ISLR2: variants seen among roughly 807,000 people sequenced by gnomAD.
ISLR2 encodes the protein immunoglobulin superfamily containing leucine-rich repeat protein 2.
ISLR2 carries 16 observed loss-of-function variants against 25.5 expected under a neutral mutation model. The ratio of observed to expected loss-of-function variants is 0.63; its 90% CI spans 0.43 to 0.95. ISLR2 has a LOEUF of 0.95. Ranked by LOEUF, ISLR2 falls within the 40% of genes least tolerant of loss-of-function variation. The probability of loss-of-function intolerance (pLI) is 0.00; values close to 1 mark genes in which losing one functional copy is unlikely to be tolerated. For synonymous variants in ISLR2, 508 were observed against 486.6 expected (o/e 1.04, Z -0.58); for missense variants, 883 against 1,030.7 (o/e 0.86, Z 1.96).
intron 2 of ISLR2, among the ~76,000 whole-genome samples, chr15:74,119,656 TA>T (rs1363971457): frequency 6.6e-6 from 1 of 152,222 alleles, no homozygotes; most frequent in Non-Finnish European, 1.5e-5. Context: ...ATTAAAATGT[TA>T]ATTAACTTGA....
intron 2 of ISLR2, among the ~76,000 whole-genome samples, chr15:74,105,404 A>AGGAG (rs1275876651): frequency 4.2e-5 from 1 of 24,038 alleles, no homozygotes. Flanking sequence ...GGTGGACAGG[A>AGGAG]GGAGCTGAGG....
rs774073328 is a variant in ISLR2 at position 74,134,184 on chromosome 15, C to T, written c.1430C>T (p.Ala477Val). The T allele has an allele frequency of 6.0e-5, 96 of 1,611,884 alleles. No homozygotes were observed. Among genetic ancestry groups the T allele is most frequent in the Non-Finnish European group, 7.0e-5 (83 of 1,179,266 alleles). The change falls in exon 3 of 3, where the codon GCA (alanine) becomes GTA (valine). Residue 477 changes from alanine to valine, a missense_variant. Physicochemically the swap from Ala to Val is moderately conservative, Grantham distance 64 (BLOSUM62 0). Coordinates refer to ENST00000453268, the MANE Select transcript of ISLR2 (RefSeq NM_020851.3). ...YVSNHAFNQS[A>V]ELKPHVFELG... ...TCTAACCACGCGTTCAACCAGAGCG[C>T]AGAGCTCAAGCCGCACGTCTTCGAG... is the stretch of plus-strand genomic sequence containing the variant.
intron 2 of ISLR2, among the ~76,000 whole-genome samples, chr15:74,111,358 C>T (rs1287248603): frequency 1.3e-5 from 2 of 151,904 alleles, no homozygotes; most frequent in African/African-American, 4.8e-5. Context: ...GGCATGATCT[C>T]GGCTCACTGC....
chr15:74,123,467 T>G (rs1257922849), upstream of ISLR2, among the ~76,000 whole-genome samples: 1 of 152,156 alleles, frequency 6.6e-6, no homozygotes, highest in Admixed American at 6.5e-5. Flanking sequence ...CCCCTACCAT[T>G]GCATGGGTGG....
chr15:74,139,604 T>A (rs1259227583), downstream of ISLR2, among the ~76,000 whole-genome samples: 1 of 152,162 alleles, frequency 6.6e-6, no homozygotes, highest in East Asian at 1.9e-4. Flanking sequence ...TGTTTAGCAG[T>A]TTAAAATGTG....
Position 74,132,692 on chromosome 15 carries a change from A to C in ISLR2, c.-8-55A>C. Reference sequence around the variant, plus strand: ...GGAGGCACAGCTTGATAGGGGAGGTAAGCTGGGGTTCAGTGAGTCACCTTC... The same window carrying C: ...GGAGGCACAGCTTGATAGGGGAGGTCAGCTGGGGTTCAGTGAGTCACCTTC... On this transcript the variant is annotated intron_variant, in intron 2 of 2. Coordinates refer to ENST00000453268, the MANE Select transcript of ISLR2 (RefSeq NM_020851.3). The surrounding 1 kb of genome is among the most constrained non-coding windows in gnomAD (Gnocchi z 4.3). 1.3e-6 allele frequency: 2 copies of C among 1,556,972 alleles called. No homozygotes were observed. Among genetic ancestry groups the C allele is most frequent in the Non-Finnish European group, 8.7e-7 (1 of 1,150,220 alleles).
At chr15:74,102,076 T>G (rs1252330909) in intron 1 of ISLR2, among the ~76,000 whole-genome samples, 6 of 150,292 alleles carry the variant, frequency 4.0e-5, no homozygotes, top group Admixed American at 1.3e-4. Flanking sequence ...ACAAATTAGC[T>G]GGGCATGGTG....
At chr15:74,119,597 C>T (rs554958639) in intron 2 of ISLR2, among the ~76,000 whole-genome samples, 32 of 152,180 alleles carry the variant, frequency 2.1e-4, no homozygotes, top group African/African-American at 6.7e-4. Flanking sequence ...GCAAATAGAT[C>T]TTAAATGTTC....
At chr15:74,128,105 G>A, upstream of ISLR2, 1 of 252,612 alleles carries the variant, frequency 4.0e-6, no homozygotes, top group South Asian at 3.9e-5. Flanking sequence ...CTCCCTAACT[G>A]TCATTATTAA....
At chr15:74,130,872 G>A (rs1371322875) in intron 1 of ISLR2, among the ~76,000 whole-genome samples, 1 of 152,086 alleles carries the variant, frequency 6.6e-6, no homozygotes, top group East Asian at 1.9e-4. Flanking sequence ...AATGCCAGCG[G>A]CTGTGTAAAT....
At chr15:74,120,610 C>T (rs1385839069) in intron 2 of ISLR2, among the ~76,000 whole-genome samples, 1 of 151,438 alleles carries the variant, frequency 6.6e-6, no homozygotes, top group Non-Finnish European at 1.5e-5. Context: ...GTGGTGCACT[C>T]ATAGAGTCGG....
chr15:74,139,352 C>G (rs543418288), downstream of ISLR2, among the ~76,000 whole-genome samples: 1 of 152,334 alleles, frequency 6.6e-6, no homozygotes, highest in East Asian at 1.9e-4. Flanking sequence ...TCTGGCCTTC[C>G]TTCCTACCTC....
intron 2 of ISLR2, among the ~76,000 whole-genome samples, chr15:74,104,762 C>T (rs1203219385): frequency 6.6e-6 from 1 of 151,332 alleles, no homozygotes; most frequent in Non-Finnish European, 1.5e-5. Flanking sequence ...AATTTTTTTT[C>T]TCTGTTGCAT....
At chr15:74,128,256 G>A, upstream of ISLR2, 1 of 334,332 alleles carries the variant, frequency 3.0e-6, no homozygotes, top group South Asian at 2.4e-5. Context: ...GGGCGACTCG[G>A]GCTCCAGCCC....
chr15:74,122,246 A>G (rs2072258709), intron 2 of ISLR2, among the ~76,000 whole-genome samples: 1 of 152,202 alleles, frequency 6.6e-6, no homozygotes, highest in Admixed American at 6.5e-5. Flanking sequence ...GAGGACCTCC[A>G]GGCCCCAAAC....
At chr15:74,124,894 A>G (rs958211858), upstream of ISLR2, among the ~76,000 whole-genome samples, 9 of 152,240 alleles carry the variant, frequency 5.9e-5, no homozygotes, top group African/African-American at 2.2e-4. Flanking sequence ...GGGAGAGATG[A>G]AAGAACTTGC....
intron 1 of ISLR2, among the ~76,000 whole-genome samples, chr15:74,102,979 T>C (rs1323283666): frequency 6.6e-6 from 1 of 151,562 alleles, no homozygotes; most frequent in African/African-American, 2.4e-5. Context: ...GGCTAATTTT[T>C]GTATTTTTAG....
At chr15:74,103,623 G>GA (rs2072097426) in intron 1 of ISLR2, among the ~76,000 whole-genome samples, 1 of 124,402 alleles carries the variant, frequency 8.0e-6, no homozygotes, top group South Asian at 3.0e-4. Flanking sequence ...CTGTCCCAAA[G>GA]AAAAAAAAGA....
chr15:74,103,666 A>G (rs933714273), intron 1 of ISLR2, among the ~76,000 whole-genome samples: 5 of 131,834 alleles, frequency 3.8e-5, no homozygotes, highest in African/African-American at 1.2e-4. Flanking sequence ...GTATGCTAAT[A>G]TAAAGGATAT....
Sources: gnomAD v4.1 joint callset for allele counts (sites outside exome capture counted in the v4.1 genomes callset) on GRCh38, gnomAD v4.1.1 for gene constraint, Gnocchi (gnomAD v3.1) non-coding constraint, MANE v1.5 for transcripts, NCBI Gene and HGNC (gene_info 2026-07-23, HGNC 2026-07-21) for gene names.